Variants in KLRF2 observed in about 807,000 individuals in gnomAD.
KLRF2 encodes the protein killer cell lectin like receptor F2.
Under a neutral mutation model 25.3 loss-of-function variants are expected in KLRF2, and 28 were observed. The ratio of observed to expected loss-of-function variants is 1.11; its 90% CI spans 0.82 to 1.52. KLRF2 has a LOEUF of 1.52. KLRF2 is among the 40% of genes most tolerant of loss of function. The probability of loss-of-function intolerance (pLI) is 0.00; values close to 1 mark genes in which losing one functional copy is unlikely to be tolerated. For synonymous variants in KLRF2, 73 were observed against 85.0 expected (o/e 0.86, Z 0.78); for missense variants, 265 against 245.8 (o/e 1.08, Z -0.52).
chr12:9,883,091 T>A (rs1044976310), intron 1 of KLRF2, among the ~76,000 whole-genome samples: 14 of 152,324 alleles, frequency 9.2e-5, no homozygotes, highest in African/African-American at 3.4e-4. Flanking sequence ...GAAAAATTAC[T>A]GTAGGCATGT....
intron 4 of KLRF2, 113 bp from the exon 5 acceptor site, chr12:9,893,316 T>C (rs1348037319): frequency 5.7e-5 from 48 of 843,062 alleles, no homozygotes; most frequent in Non-Finnish European, 8.3e-5. Context: ...AAAAAAATGC[T>C]AATGTATATG....
At position 9,881,541 on chromosome 12, in the gene KLRF2, T is replaced by C; in HGVS notation, c.-55T>C. The C allele has an allele frequency of 1.6e-6, 2 of 1,288,658 alleles. No individual in the cohort carries two copies. The highest frequency in any genetic ancestry group is 2.2e-6 in the Non-Finnish European group (2 of 924,320). 79.8% of individuals were successfully genotyped at this position (1,288,658 alleles called of 1,614,324 possible). A position where few individuals can be genotyped will look rare whatever the true frequency, so the allele number is the denominator to read the frequency against. On this transcript the variant is annotated 5_prime_UTR_variant, in exon 1 of 6. Coordinates refer to ENST00000535540, the MANE Select transcript of KLRF2 (RefSeq NM_001190765.1). ...GAGACATATCCAAGGTTGAGATTAG[T>C]TTCCATTTTCTTTGTACTATTTTCT...
intron 3 of KLRF2, 116 bp from the exon 4 acceptor site, chr12:9,892,903 CA>C (rs35351866): frequency 0.051 from 38,731 of 760,972 alleles, 170 homozygotes; most frequent in African/African-American, 0.091. Flanking sequence ...TTTTATTGAC[CA>C]AAAAAAAAAA....
chr12:9,881,745 C>T (rs1868097115), intron 1 of KLRF2, 80 bp downstream of exon 1: 15 of 980,256 alleles, frequency 1.5e-5, no homozygotes, highest in South Asian at 2.9e-5. Context: ...ATATTTTTAA[C>T]ATCTTAACAT....
In KLRF2 at chr12:9,893,491, C is replaced by G; in HGVS notation, c.429C>G (p.Phe143Leu). Residue 143 changes from phenylalanine to leucine, a missense_variant, in exon 5 of 6, where the codon TTC (phenylalanine) becomes TTG (leucine). Transcript: ENST00000535540. The stretch of plus-strand genomic sequence containing the variant: ...GTTGGATTGGACTATATGTTACATT[C>G]CAAGGGAACCTATGGATGTGGATAG... The part of the protein sequence containing the change: ...HFGWIGLYVT[F>L]QGNLWMWIDE... 1 of 1,524,474 alleles carries G rather than the reference C, an allele frequency of 6.6e-7. No individual in the cohort carries two copies. Among genetic ancestry groups the G allele is most frequent in the Non-Finnish European group, 8.8e-7 (1 of 1,137,396 alleles). The allele number at this position is 1,524,474 out of a possible 1,614,324, so 94.4% of individuals were successfully genotyped here. A position where few individuals can be genotyped will look rare whatever the true frequency, so the allele number is the denominator to read the frequency against.
chr12:9,893,166 C>A lies in KLRF2; in HGVS notation c.364C>A (p.Leu122Met). ...HLLVIQNLDE[L>M]EFIQNSLKPG... ...ACTGGTGATTCAAAATTTGGATGAG[C>A]TGGTGAGAAATCAAAAACAGGATCT... The change falls in exon 4 of 6, where the codon CTG (leucine) becomes ATG (methionine). Residue 122 changes from leucine to methionine, a missense_variant and splice_region_variant. By Grantham distance (15) the Leu-to-Met change is conservative. Coordinates refer to ENST00000535540, the MANE Select transcript of KLRF2 (RefSeq NM_001190765.1). 1 of 1,529,856 alleles carries A rather than the reference C, an allele frequency of 6.5e-7. No individual in the cohort carries two copies. Among genetic ancestry groups the A allele is most frequent in the South Asian group, 1.2e-5 (1 of 83,288 alleles). 94.8% of individuals were successfully genotyped at this position (1,529,856 alleles called of 1,614,324 possible).
At chr12:9,895,190 C>T (rs987665220) in intron 5 of KLRF2, among the ~76,000 whole-genome samples, 2 of 152,172 alleles carry the variant, frequency 1.3e-5, no homozygotes, top group East Asian at 3.8e-4. Flanking sequence ...TTATAGCATA[C>T]CTATCACTAT....
At chr12:9,882,762 C>G (rs1868108093) in intron 1 of KLRF2, among the ~76,000 whole-genome samples, 1 of 149,796 alleles carries the variant, frequency 6.7e-6, no homozygotes, top group South Asian at 2.2e-4. Flanking sequence ...GCCTGAGTGA[C>G]AGAGCAAGAC....
chr12:9,894,644 A>G (rs1239200162), intron 5 of KLRF2, among the ~76,000 whole-genome samples: 1 of 152,084 alleles, frequency 6.6e-6, no homozygotes, highest in Non-Finnish European at 1.5e-5. Context: ...ATACTACCAA[A>G]ACACTTGAGA....
At chr12:9,895,027 A>T (rs1173575949) in intron 5 of KLRF2, among the ~76,000 whole-genome samples, 1 of 152,216 alleles carries the variant, frequency 6.6e-6, no homozygotes, top group Non-Finnish European at 1.5e-5. Flanking sequence ...AGAATAGTTT[A>T]CAAAATAGCT....
chr12:9,882,019 T>C (rs1187455735), intron 1 of KLRF2, among the ~76,000 whole-genome samples: 1 of 151,974 alleles, frequency 6.6e-6, no homozygotes, highest in African/African-American at 2.4e-5. Context: ...CTTATATATA[T>C]ATTTATGCTT....
chr12:9,885,786 C>T (rs536311683), intron 2 of KLRF2, among the ~76,000 whole-genome samples: 6 of 152,116 alleles, frequency 3.9e-5, no homozygotes, highest in African/African-American at 1.4e-4. Context: ...TTCAATGCAA[C>T]ATTGAAATCA....
intron 5 of KLRF2, among the ~76,000 whole-genome samples, chr12:9,894,591 G>T (rs568349137): frequency 6.6e-5 from 10 of 152,096 alleles, no homozygotes; most frequent in Non-Finnish European, 1.3e-4. Context: ...AATTCTGAAG[G>T]GTCACGTTTA....
Position 9,881,603 on chromosome 12 carries a change from A to C in KLRF2, c.8A>C (p.Asn3Thr). The change falls in exon 1 of 6, where the codon AAT (asparagine) becomes ACT (threonine). Residue 3 changes from asparagine (N) to threonine (T), a missense_variant. By Grantham distance (65) the Asn-to-Thr change is moderately conservative. Transcript: ENST00000535540. ...CATTAGACATTTGAAGAGATGGAGA[A>C]TGAAGATGGGTATATGACGCTGAGT... ME[N>T]EDGYMTLSFK... 2 of 1,533,494 alleles carry C rather than the reference A, an allele frequency of 1.3e-6. No homozygotes were observed. The highest frequency in any genetic ancestry group is 1.7e-6 in the Non-Finnish European group (2 of 1,144,636). The allele number at this position is 1,533,494 out of a possible 1,614,324, so 95.0% of individuals were successfully genotyped here.
chr12:9,883,097 C>T (rs1163183478), intron 1 of KLRF2, among the ~76,000 whole-genome samples: 1 of 152,092 alleles, frequency 6.6e-6, no homozygotes, highest in Non-Finnish European at 1.5e-5. Flanking sequence ...TTACTGTAGG[C>T]ATGTTTGTGC....
chr12:9,891,498 T>C (rs901444729), intron 3 of KLRF2, among the ~76,000 whole-genome samples: 1 of 152,208 alleles, frequency 6.6e-6, no homozygotes, highest in African/African-American at 2.4e-5. Context: ...TGTCAATATC[T>C]ACATAATAAA....
chr12:9,887,481 CAA>C (rs1396654639), intron 2 of KLRF2, among the ~76,000 whole-genome samples: 4 of 152,098 alleles, frequency 2.6e-5, no homozygotes, highest in Non-Finnish European at 5.9e-5. Flanking sequence ...AGATTTGAAA[CAA>C]GAGTAATCAA....
At chr12:9,884,382 G>A (rs1188910456) in intron 1 of KLRF2, among the ~76,000 whole-genome samples, 1 of 151,620 alleles carries the variant, frequency 6.6e-6, no homozygotes, top group Non-Finnish European at 1.5e-5. Flanking sequence ...ATATATTACA[G>A]GTGTAAGGTG....
chr12:9,887,351 G>A (rs1434990693), intron 2 of KLRF2, among the ~76,000 whole-genome samples: 1 of 152,132 alleles, frequency 6.6e-6, no homozygotes, highest in Non-Finnish European at 1.5e-5. Flanking sequence ...TAATCCTAAA[G>A]GGTTTACATA....
Sources: gnomAD v4.1 joint callset for allele counts (sites outside exome capture counted in the v4.1 genomes callset) on GRCh38, gnomAD v4.1.1 for gene constraint, MANE v1.5 for transcripts, NCBI Gene and HGNC (gene_info 2026-07-23, HGNC 2026-07-21) for gene names.